CFL2: variants seen among roughly 807,000 people sequenced by gnomAD.
The protein encoded by CFL2 is cofilin-2.
Under a neutral mutation model 19.6 loss-of-function variants are expected in CFL2, and 10 were observed. That is an observed-to-expected ratio of 0.51 (90% CI 0.31 to 0.86). CFL2 has a LOEUF of 0.86. Ranked by LOEUF, CFL2 falls within the 40% of genes least tolerant of loss-of-function variation. CFL2 has a pLI of 0.04. For synonymous variants in CFL2, 63 were observed against 66.7 expected (o/e 0.95, Z 0.27); for missense variants, 125 against 192.1 (o/e 0.65, Z 2.06).
Position 34,712,759 on chromosome 14 carries a change from T to C in CFL2, c.*106A>G. Reference sequence around the variant, plus strand: ...CATTCATTGTGTTGGAAGGGCCCAGTGGAAAGGGGGAAATACAACAAAAAA... The same window carrying C: ...CATTCATTGTGTTGGAAGGGCCCAGCGGAAAGGGGGAAATACAACAAAAAA... On this transcript the variant is annotated 3_prime_UTR_variant, in exon 4 of 4. Transcript: ENST00000298159. The C allele has an allele frequency of 1.3e-6, 1 of 752,984 alleles. No individual in the cohort carries two copies. Among genetic ancestry groups the C allele is most frequent in the East Asian group, 2.5e-5 (1 of 39,250 alleles). The allele number at this position is 752,984 out of a possible 1,614,324, so 46.6% of individuals were successfully genotyped here. A position where few individuals can be genotyped will look rare whatever the true frequency, so the allele number is the denominator to read the frequency against.
In CFL2 at chr14:34,713,056, G is replaced by C; in HGVS notation, c.388+4C>G. On this transcript the variant is annotated splice_donor_region_variant and intron_variant, in intron 3 of 3. Coordinates refer to ENST00000298159, the MANE Select transcript of CFL2 (RefSeq NM_138638.5). ...TTCTCTGCCCCAAATATTCAAGTTTGTACCTGTAAATTTCTTTTTAATGGC... is the reference window on the plus strand; with the variant it reads ...TTCTCTGCCCCAAATATTCAAGTTTCTACCTGTAAATTTCTTTTTAATGGC... 1 of 1,577,176 alleles carries C rather than the reference G, an allele frequency of 6.3e-7. No individual in the cohort carries two copies. The highest frequency in any genetic ancestry group is 8.6e-7 in the Non-Finnish European group (1 of 1,160,364).
chr14:34,710,912 C>T lies in CFL2; in HGVS notation c.*1953G>A. On this transcript the variant is annotated 3_prime_UTR_variant, in exon 4 of 4. Transcript: ENST00000298159. ...TCCATGGTGCCAAGTATCAGTTACA[C>T]ATATGGTTAAGTATACGTCAGTATT... 2.2e-6 allele frequency: 1 copy of T among 454,078 alleles called. No homozygotes were observed. The highest frequency in any genetic ancestry group is 4.4e-6 in the Non-Finnish European group (1 of 226,790). The allele number at this position is 454,078 out of a possible 1,614,324, so 28.1% of individuals were successfully genotyped here. A position where few individuals can be genotyped will look rare whatever the true frequency, so the allele number is the denominator to read the frequency against.
chr14:34,710,469 T>G lies in CFL2; in HGVS notation c.*2396A>C. On this transcript the variant is annotated 3_prime_UTR_variant, in exon 4 of 4. Transcript: ENST00000298159. ...ACATATTTTCATATATTTTATTTTT[T>G]AAACTCTCATAACTTTGCAAGCTAG... is the stretch of plus-strand genomic sequence containing the variant. The G allele has an allele frequency of 2.3e-6, 1 of 434,774 alleles. No individual in the cohort carries two copies. Among genetic ancestry groups the G allele is most frequent in the Non-Finnish European group, 4.6e-6 (1 of 219,700 alleles). The allele number at this position is 434,774 out of a possible 1,614,324, so 26.9% of individuals were successfully genotyped here. A position where few individuals can be genotyped will look rare whatever the true frequency, so the allele number is the denominator to read the frequency against.
intron 1 of CFL2, 174 bp from the exon 2 acceptor site, chr14:34,713,735 A>AGTC: frequency 2.5e-6 from 4 of 1,612,194 alleles, no homozygotes; most frequent in Non-Finnish European, 8.5e-7. Context: ...ACAGCGAAGG[A>AGTC]GTCTAACTCA....
rs71453649 is a variant in CFL2 at position 34,709,787 on chromosome 14, C to CAAAAAAAA, written c.*3070_*3077dup. ...TGGGCAACAGAGTGAGACCCTGTCT[C>CAAAAAAAA]AAAAAAAAAAAAAAAAAAAGGCAAC... On this transcript the variant is annotated 3_prime_UTR_variant, in exon 4 of 4. Transcript: ENST00000298159. The CAAAAAAAA allele has an allele frequency of 7.3e-4, 51 of 69,498 alleles. 1 individual carries two copies. Among genetic ancestry groups the CAAAAAAAA allele is most frequent in the African/African-American group, 3.0e-3 (47 of 15,524 alleles). 4.3% of individuals were successfully genotyped at this position (69,498 alleles called of 1,614,324 possible).
Position 34,713,325 on chromosome 14 carries a change from G to A in CFL2, c.240C>T (p.Cys80=). ...SFVKLLPLND[C]RYALYDATYE... The stretch of plus-strand genomic sequence containing the variant: ...ATGTGGCATCGTACAAAGCATATCG[G>A]CAATCATTCAGAGGTAGCAACTTCA... The change falls in exon 2 of 4, where the codon TGC becomes TGT. Residue 80 remains cysteine, a synonymous_variant. Transcript: ENST00000298159. The A allele has an allele frequency of 1.2e-6, 2 of 1,613,752 alleles. No homozygotes were observed. The highest frequency in any genetic ancestry group is 1.7e-6 in the Non-Finnish European group (2 of 1,179,826).
Position 34,711,808 on chromosome 14 carries a change from A to G in CFL2, c.*1057T>C, listed in dbSNP as rs1311910191. On this transcript the variant is annotated 3_prime_UTR_variant, in exon 4 of 4. Coordinates refer to ENST00000298159, the MANE Select transcript of CFL2 (RefSeq NM_138638.5). ...TTTATAAAAGTACCATTCTTTAACA[A>G]TGGTATTTTATATTAGTTGGCCTTA... 10 of 450,812 alleles carry G rather than the reference A, an allele frequency of 2.2e-5. No homozygotes were observed. Among genetic ancestry groups the G allele is most frequent in the South Asian group, 1.6e-4 (10 of 63,002 alleles). The allele number at this position is 450,812 out of a possible 1,614,324, so 27.9% of individuals were successfully genotyped here.
At chr14:34,713,915 C>T (rs1158787298) in intron 1 of CFL2, 12 of 1,141,122 alleles carry the variant, frequency 1.1e-5, no homozygotes, top group Non-Finnish European at 1.3e-5. Flanking sequence ...CTTAAAAAAA[C>T]ACTTTTGGAT....
In CFL2 at chr14:34,712,384, T is replaced by C. The variant is rs1354624378; in HGVS notation, c.*481A>G. ...CTTTTAATGCATAGTGTTATATCCG[T>C]GCTGCCATATCACTAAAATAGGCTT... On this transcript the variant is annotated 3_prime_UTR_variant, in exon 4 of 4. Transcript: ENST00000298159. 1 of 454,690 alleles carries C rather than the reference T, an allele frequency of 2.2e-6. No homozygotes were observed. The highest frequency in any genetic ancestry group is 2.0e-5 in the African/African-American group (1 of 50,030). The allele number at this position is 454,690 out of a possible 1,614,324, so 28.2% of individuals were successfully genotyped here. A position where few individuals can be genotyped will look rare whatever the true frequency, so the allele number is the denominator to read the frequency against.
rs1885257514 is a variant in CFL2 at position 34,710,755 on chromosome 14, A to G, written c.*2110T>C. On this transcript the variant is annotated 3_prime_UTR_variant, in exon 4 of 4. Transcript: ENST00000298159. ...AATCAAAGTATCACAGTTTAAAGCA[A>G]TATTTAATCTCTGAAATTACTAGAG... The G allele has an allele frequency of 2.2e-6, 1 of 450,854 alleles. No individual in the cohort carries two copies. The highest frequency in any genetic ancestry group is 2.0e-5 in the African/African-American group (1 of 49,776). 27.9% of individuals were successfully genotyped at this position (450,854 alleles called of 1,614,324 possible).
Position 34,711,320 on chromosome 14 carries a change from T to C in CFL2, c.*1545A>G, listed in dbSNP as rs927979338. 5 of 454,434 alleles carry C rather than the reference T, an allele frequency of 1.1e-5. No individual in the cohort carries two copies. The highest frequency in any genetic ancestry group is 2.4e-5 in the Admixed American group (1 of 42,546). 28.2% of individuals were successfully genotyped at this position (454,434 alleles called of 1,614,324 possible). A position where few individuals can be genotyped will look rare whatever the true frequency, so the allele number is the denominator to read the frequency against. On this transcript the variant is annotated 3_prime_UTR_variant, in exon 4 of 4. Coordinates refer to ENST00000298159, the MANE Select transcript of CFL2 (RefSeq NM_138638.5). ...GTAGAATCAAGTCCAGTTTTGCCAT[T>C]TGTGGATAACTATGACAAGATACAA...
chr14:34,713,784 G>C, intron 1 of CFL2: 4 of 1,607,944 alleles, frequency 2.5e-6, no homozygotes, highest in Non-Finnish European at 3.4e-6. Context: ...TTTGGACGTG[G>C]AAGCGAAAGG....
rs1392445180 is a variant in CFL2 at position 34,713,422 on chromosome 14, ATTAT to A, written c.139_142del (p.Ile47LeufsTer2). ...CAAGATCTGCTTTGCTTCCTCTACA[ATTAT>A]TTGTCTTTTGTCATCGCTTAAACAG... On this transcript the variant is annotated frameshift_variant, in exon 2 of 4. Transcript: ENST00000298159. LOFTEE classifies it high-confidence loss of function. The A allele has an allele frequency of 2.5e-6, 4 of 1,613,930 alleles. No individual in the cohort carries two copies. The highest frequency in any genetic ancestry group is 1.3e-5 in the African/African-American group (1 of 74,888).
At chr14:34,713,707 T>C in intron 1 of CFL2, 146 bp from the exon 2 acceptor site, 1 of 1,612,578 alleles carries the variant, frequency 6.2e-7, no homozygotes, top group Non-Finnish European at 8.5e-7. Context: ...TGTCACATTT[T>C]AAGAATCAGT....
At position 34,712,127 on chromosome 14, in the gene CFL2, T is replaced by C. The variant is rs188669360; in HGVS notation, c.*738A>G. Reference sequence around the variant, plus strand: ...ATACAGAAATTGCCATCATGACTGATATTCAAAATATCTTTAGTGTTGCAG... The same window carrying C: ...ATACAGAAATTGCCATCATGACTGACATTCAAAATATCTTTAGTGTTGCAG... On this transcript the variant is annotated 3_prime_UTR_variant, in exon 4 of 4. Transcript: ENST00000298159. 1.2e-4 allele frequency: 56 copies of C among 454,554 alleles called. No individual in the cohort carries two copies. Among genetic ancestry groups the C allele is most frequent in the African/African-American group, 1.0e-3 (52 of 50,146 alleles). 28.2% of individuals were successfully genotyped at this position (454,554 alleles called of 1,614,324 possible).
Position 34,713,486 on chromosome 14 carries a change from CTT to C in CFL2, c.77_78del (p.Gln26ArgfsTer17). On this transcript the variant is annotated frameshift_variant, in exon 2 of 4. Transcript: ENST00000298159. LOFTEE classifies it high-confidence loss of function. The stretch of plus-strand genomic sequence containing the variant: ...GCTTTCTTTCTCTTTTTGATCTCCT[CTT>C]GTGTAGAAGATTTCCTTACTTTCAT... Reference protein sequence around the residue: ...NDMKVRKSSTQEEIKKRKKAV... With the variant: ...NDMKVRKSSTXEEIKKRKKAV... The C allele has an allele frequency of 6.2e-7, 1 of 1,613,848 alleles. No individual in the cohort carries two copies. The highest frequency in any genetic ancestry group is 8.5e-7 in the Non-Finnish European group (1 of 1,179,778).
Position 34,710,582 on chromosome 14 carries a change from T to A in CFL2, c.*2283A>T, listed in dbSNP as rs142447792. 5.0e-4 allele frequency: 217 copies of A among 432,860 alleles called. 1 individual carries two copies. Among genetic ancestry groups the A allele is most frequent in the African/African-American group, 3.9e-3 (193 of 49,104 alleles). The allele number at this position is 432,860 out of a possible 1,614,324, so 26.8% of individuals were successfully genotyped here. ...AACATTGATTCATTATAAATGATTG[T>A]AAAATAAAATGATCATTTCAAATGC... On this transcript the variant is annotated 3_prime_UTR_variant, in exon 4 of 4. Transcript: ENST00000298159.
At chr14:34,713,901 T>C in intron 1 of CFL2, 8 of 1,329,650 alleles carry the variant, frequency 6.0e-6, no homozygotes, top group Non-Finnish European at 7.0e-6. Flanking sequence ...TCAACTCGGC[T>C]GGCCTTAAAA....
Position 34,710,185 on chromosome 14 carries a change from C to T in CFL2, c.*2680G>A. On this transcript the variant is annotated 3_prime_UTR_variant, in exon 4 of 4. Coordinates refer to ENST00000298159, the MANE Select transcript of CFL2 (RefSeq NM_138638.5). The stretch of plus-strand genomic sequence containing the variant: ...ATTTCAATACACAATGCTGGCCACA[C>T]TATTTTAGATAATGATGGAAAACAA... 1 of 180,450 alleles carries T rather than the reference C, an allele frequency of 5.5e-6. No homozygotes were observed. The highest frequency in any genetic ancestry group is 1.2e-5 in the Non-Finnish European group (1 of 85,302). The allele number at this position is 180,450 out of a possible 1,614,324, so 11.2% of individuals were successfully genotyped here.
Sources: gnomAD v4.1 joint callset for allele counts on GRCh38, gnomAD v4.1.1 for gene constraint, MANE v1.5 for transcripts, NCBI Gene and HGNC (gene_info 2026-07-23, HGNC 2026-07-21) for gene names.